Variants in GINS1 observed in about 807,000 individuals in gnomAD.
GINS1 encodes the protein GINS complex subunit 1.
Under a neutral mutation model 34.9 loss-of-function variants are expected in GINS1, and 26 were observed. The observed-to-expected ratio is 0.74, with a 90% confidence interval of 0.55 to 1.03. The LOEUF is 1.03. GINS1 is among the 50% of genes least tolerant of loss of function. The pLI is 0.00. For missense variants in GINS1, 235 were observed against 237.9 expected, an observed-to-expected ratio of 0.99 and a Z score of 0.08; for synonymous variants, 97 against 84.4, an observed-to-expected ratio of 1.15 and a Z score of -0.82.
Position 25,445,964 on chromosome 20 carries a change from A to G in GINS1, c.564A>G (p.Gln188=), listed in dbSNP as rs751738376. The G allele has an allele frequency of 3.7e-6, 6 of 1,611,896 alleles. No individual in the cohort carries two copies. Among genetic ancestry groups the G allele is most frequent in the South Asian group, 3.3e-5 (3 of 90,988 alleles). ...PRWKCEQLIR[Q]GVLEHILS is the part of the protein sequence containing the mutation. ...GGAAATGTGAGCAGCTGATCAGACA[A>G]GGAGTCCTGGAGCACATCCTGTCAT... is the stretch of plus-strand genomic sequence containing the variant. Residue 188 remains glutamine, a synonymous_variant, in exon 7 of 7, where the codon CAA becomes CAG. Transcript: ENST00000262460.
chr20:25,427,869 A>ATTT (rs11411051), intron 5 of GINS1, among the ~76,000 whole-genome samples: 16 of 94,278 alleles, frequency 1.7e-4, no homozygotes, highest in African/African-American at 2.6e-4. Flanking sequence ...CCAGTTCGTC[A>ATTT]TTTTTTTTTT....
intron 5 of GINS1, among the ~76,000 whole-genome samples, chr20:25,428,606 G>A (rs1002631294): frequency 4.0e-5 from 6 of 151,410 alleles, no homozygotes; most frequent in African/African-American, 1.2e-4. Flanking sequence ...GGGTTTCACC[G>A]TGTTAGCCAG....
chr20:25,435,282 A>G (rs981273188), intron 5 of GINS1, among the ~76,000 whole-genome samples: 9 of 152,160 alleles, frequency 5.9e-5, no homozygotes, highest in Non-Finnish European at 1.2e-4. Flanking sequence ...GTGATGACTT[A>G]CTTATCTTTT....
intron 5 of GINS1, among the ~76,000 whole-genome samples, chr20:25,430,813 AGCCACCAT>A (rs2090423006): frequency 6.6e-6 from 1 of 152,258 alleles, no homozygotes; most frequent in Admixed American, 6.5e-5. Flanking sequence ...TACAGGCGTG[AGCCACCAT>A]GCCTGGCCTG....
intron 5 of GINS1, among the ~76,000 whole-genome samples, chr20:25,434,781 A>G (rs914565906): frequency 1.3e-5 from 2 of 152,180 alleles, no homozygotes; most frequent in Admixed American, 6.5e-5. Context: ...CTGGATGTCC[A>G]AGATCAAAGT....
chr20:25,434,537 G>A (rs1405481131), intron 5 of GINS1, among the ~76,000 whole-genome samples: 3 of 151,898 alleles, frequency 2.0e-5, no homozygotes, highest in South Asian at 2.1e-4. Flanking sequence ...AGCCTTGAAC[G>A]CCTGGGCTCA....
chr20:25,439,411 G>A (rs1156338815), intron 5 of GINS1, among the ~76,000 whole-genome samples: 2 of 152,164 alleles, frequency 1.3e-5, no homozygotes, highest in Non-Finnish European at 2.9e-5. Context: ...AGTGACTCAC[G>A]TCTGTAATCC....
intron 5 of GINS1, among the ~76,000 whole-genome samples, chr20:25,429,074 C>T (rs1439073425): frequency 7.1e-6 from 1 of 141,784 alleles, no homozygotes; most frequent in African/African-American, 2.6e-5. Context: ...CTGCAACCTC[C>T]ACCTCCTGGG....
chr20:25,407,879 A>G lies in GINS1; in HGVS notation c.59A>G (p.Gln20Arg), dbSNP rs1367642264. The G allele has an allele frequency of 6.2e-7, 1 of 1,613,508 alleles. No homozygotes were observed. The highest frequency in any genetic ancestry group is 1.3e-5 in the African/African-American group (1 of 74,950). ...GAGCTGCATCGCGCGCCCGAAGGGC[A>G]ACTGCCTGCCTTCAACGTGAGGGGC... ...IRELHRAPEG[Q>R]LPAFNEDGLR... The change falls in exon 1 of 7, where the codon CAA becomes CGA. Residue 20 changes from glutamine (Q) to arginine (R), a missense_variant. Gln to Arg is a conservative substitution (Grantham distance 43). Coordinates refer to ENST00000262460, the MANE Select transcript of GINS1 (RefSeq NM_021067.5).
chr20:25,407,867 C>T lies in GINS1; in HGVS notation c.47C>T (p.Ala16Val), dbSNP rs2090256253. 1 of 1,613,840 alleles carries T rather than the reference C, an allele frequency of 6.2e-7. No individual in the cohort carries two copies. The highest frequency in any genetic ancestry group is 8.5e-7 in the Non-Finnish European group (1 of 1,179,814). ...AMELIRELHRAPEGQLPAFNE... is the reference protein window; with the variant it reads ...AMELIRELHRVPEGQLPAFNE... ...GAACTGATCCGCGAGCTGCATCGCG[C>T]GCCCGAAGGGCAACTGCCTGCCTTC... Residue 16 changes from alanine to valine, a missense_variant, in exon 1 of 7, where the codon GCG becomes GTG. Physicochemically the swap from Ala to Val is moderately conservative, Grantham distance 64 (BLOSUM62 0). Coordinates refer to ENST00000262460, the MANE Select transcript of GINS1 (RefSeq NM_021067.5).
At chr20:25,418,009 G>T in intron 3 of GINS1, 96 bp from the exon 4 acceptor site, 2 of 775,352 alleles carry the variant, frequency 2.6e-6, no homozygotes. Flanking sequence ...TAAGATGTCT[G>T]TTTAGAGCTG....
intron 5 of GINS1, among the ~76,000 whole-genome samples, chr20:25,428,153 G>A (rs1403017746): frequency 1.3e-5 from 2 of 151,986 alleles, no homozygotes; most frequent in East Asian, 3.9e-4. Flanking sequence ...GATTACAGGC[G>A]TGAGCCATCG....
intron 5 of GINS1, among the ~76,000 whole-genome samples, chr20:25,439,651 A>G (rs1051820053): frequency 1.3e-5 from 2 of 152,148 alleles, no homozygotes; most frequent in Non-Finnish European, 2.9e-5. Context: ...AAAAAAATTC[A>G]TGAGACAAGT....
intron 4 of GINS1, among the ~76,000 whole-genome samples, chr20:25,421,995 CA>C (rs1171415133): frequency 1.3e-5 from 2 of 151,288 alleles, no homozygotes; most frequent in Admixed American, 1.3e-4. Flanking sequence ...TTATAAAAAA[CA>C]ATGCAGTTTT....
chr20:25,416,603 C>T (rs1441415836), intron 2 of GINS1, among the ~76,000 whole-genome samples: 8 of 152,074 alleles, frequency 5.3e-5, no homozygotes, highest in Non-Finnish European at 1.0e-4. Context: ...AGTACGTACA[C>T]GTATTTGGAG....
chr20:25,429,994 C>T (rs1251558422), intron 5 of GINS1, among the ~76,000 whole-genome samples: 3 of 152,162 alleles, frequency 2.0e-5, no homozygotes, highest in African/African-American at 4.8e-5. Context: ...CTCACTTCAA[C>T]GTCCGCCTCC....
chr20:25,425,221 T>G lies in GINS1; in HGVS notation c.341T>G (p.Phe114Cys). The part of the protein sequence containing the change: ...FHMAAEEMEW[F>C]NNYKRSLATY... ...TCTCTATGTTTGCAGATGGAGTGGT[T>G]TAATAATTATAAAAGATCTCTTGCT... is the stretch of plus-strand genomic sequence containing the variant. The change falls in exon 5 of 7, where the codon TTT (phenylalanine) becomes TGT (cysteine). Residue 114 changes from phenylalanine to cysteine, a missense_variant. By Grantham distance (205) the Phe-to-Cys change is radical. Coordinates refer to ENST00000262460, the MANE Select transcript of GINS1 (RefSeq NM_021067.5). The G allele has an allele frequency of 7.0e-7, 1 of 1,432,810 alleles. No homozygotes were observed. Among genetic ancestry groups the G allele is most frequent in the Non-Finnish European group, 9.8e-7 (1 of 1,016,350 alleles). The allele number at this position is 1,432,810 out of a possible 1,614,324, so 88.8% of individuals were successfully genotyped here.
At chr20:25,426,367 T>C (rs576147539) in intron 5 of GINS1, among the ~76,000 whole-genome samples, 58 of 151,926 alleles carry the variant, frequency 3.8e-4, no homozygotes, top group African/African-American at 1.3e-3. Flanking sequence ...AGTTCAAGAC[T>C]AGCCTGACCA....
chr20:25,446,539 TAC>T lies in GINS1; in HGVS notation c.*552_*553del, dbSNP rs1487776430. ...AAGCTAGAGAGCTGAATTTCTGAGA[TAC>T]ACATTTTCAAATCACATGCAAGTGA... is the stretch of plus-strand genomic sequence containing the variant. On this transcript the variant is annotated 3_prime_UTR_variant, in exon 7 of 7. Coordinates refer to ENST00000262460, the MANE Select transcript of GINS1 (RefSeq NM_021067.5). The T allele has an allele frequency of 2.6e-5, 4 of 152,294 alleles. No homozygotes were observed. Among genetic ancestry groups the T allele is most frequent in the Non-Finnish European group, 5.9e-5 (4 of 68,076 alleles). The allele number at this position is 152,294 out of a possible 1,614,324, so 9.4% of individuals were successfully genotyped here.
Sources: allele counts gnomAD v4.1 joint callset (sites outside exome capture counted in the v4.1 genomes callset), GRCh38; gene constraint gnomAD v4.1.1; transcripts MANE v1.5; gene names NCBI Gene and HGNC (gene_info 2026-07-23, HGNC 2026-07-21).